The following XKR4 variants were observed in gnomAD, a reference collection of about 807,000 sequenced individuals.
XKR4 encodes the protein XK-related protein 4.
Under a neutral mutation model 53.9 loss-of-function variants are expected in XKR4, and 12 were observed. The ratio of observed to expected loss-of-function variants is 0.22; its 90% CI spans 0.14 to 0.36. XKR4 has a LOEUF of 0.36. Among genes scored for constraint, XKR4 ranks in the 10% least tolerant of loss-of-function variants. The pLI, the probability that XKR4 is intolerant of heterozygous loss-of-function variation, is 1.00. For synonymous variants in XKR4, 354 were observed against 362.4 expected (o/e 0.98, Z 0.26); for missense variants, 799 against 859.5 (o/e 0.93, Z 0.88).
intron 1 of XKR4, among the ~76,000 whole-genome samples, chr8:55,346,725 G>GTGTGTGTGTGT (rs1381010172): frequency 3.4e-5 from 5 of 148,784 alleles, no homozygotes; most frequent in African/African-American, 1.2e-4. Flanking sequence ...GTGTGTGTGT[G>GTGTGTGTGTGT]TTTAGAAAGC....
rs988056078 is a variant in XKR4, at chr8:55,449,829, AG to A, written c.1007-73450del. 135 of 1,164,086 alleles carry A rather than the reference AG, an allele frequency of 1.2e-4. 1 individual carries two copies. In the African/African-American group the frequency reaches 1.9e-3, roughly 16 times the overall value. 72.1% of individuals were successfully genotyped at this position (1,164,086 alleles called of 1,614,324 possible). On this transcript the variant is annotated intron_variant, in intron 2 of 2. Coordinates refer to ENST00000327381, the MANE Select transcript of XKR4 (RefSeq NM_052898.2). The stretch of plus-strand genomic sequence containing the variant: ...CCCTTCTTGTACAGAGTGCCCTCGT[AG>A]GACCTGTTCTCACTCTCAGCTGTCT...
At chr8:55,330,554 C>G (rs1418893322) in intron 1 of XKR4, among the ~76,000 whole-genome samples, 1 of 151,956 alleles carries the variant, frequency 6.6e-6, no homozygotes, top group East Asian at 1.9e-4. Context: ...ACCTTTAAAT[C>G]CTCTTAATGT....
At chr8:55,140,169 T>C in intron 1 of XKR4, 1 of 432,884 alleles carries the variant, frequency 2.3e-6, no homozygotes, top group Admixed American at 2.6e-5. Flanking sequence ...CTTGACTGAG[T>C]GTCTTTTCTT....
chr8:55,357,218 G>A (rs72645645), intron 1 of XKR4, among the ~76,000 whole-genome samples: 3,056 of 152,192 alleles, frequency 0.02, 32 homozygotes, highest in Non-Finnish European at 0.031. Flanking sequence ...GTATATGTTG[G>A]GAATTTGCAA....
intron 2 of XKR4, among the ~76,000 whole-genome samples, chr8:55,413,149 C>T (rs949051224): frequency 6.6e-6 from 1 of 152,206 alleles, no homozygotes; most frequent in Non-Finnish European, 1.5e-5. Flanking sequence ...ATTATTTCCT[C>T]CTTTTTGTGA....
rs374782503 is a variant in XKR4 at position 55,378,514 on chromosome 8, A to G, written c.1006+20637A>G. 8.1e-4 allele frequency among the ~76,000 whole-genome samples: 124 copies of G among 152,352 alleles called. 3 individuals are homozygous for G. The South Asian group carries it at 0.024, about 30-fold the overall frequency. On this transcript the variant is annotated intron_variant, in intron 2 of 2. Transcript: ENST00000327381. ...GTAGCTTGCTATGGAGAAAAACAAG[A>G]GTACGATTAACATGAAATTCAGGAA...
chr8:55,289,563 AGGAAGGAGAG>A, intron 1 of XKR4, among the ~76,000 whole-genome samples: 1 of 83,150 alleles, frequency 1.2e-5, no homozygotes, highest in Non-Finnish European at 2.8e-5. Flanking sequence ...GAAGGAAGGA[AGGAAGGAGAG>A]AGAAAGGAAG....
chr8:55,441,336 C>T (rs1486115579), intron 2 of XKR4, among the ~76,000 whole-genome samples: 1 of 151,844 alleles, frequency 6.6e-6, no homozygotes, highest in East Asian at 1.9e-4. Context: ...TATAACAGTT[C>T]TAAACTTACA....
rs142676473 is a variant in XKR4 at position 55,358,050 on chromosome 8, A to G, written c.1006+173A>G. ...TGTTTTCCTACCATTGCTTCTCATG[A>G]CTGATTAATTGAAAGACAGCGCATT... is the stretch of plus-strand genomic sequence containing the variant. On this transcript the variant is annotated intron_variant, in intron 2 of 2. Coordinates refer to ENST00000327381, the MANE Select transcript of XKR4 (RefSeq NM_052898.2). Among the ~76,000 whole-genome samples the G allele has an allele frequency of 1.5e-4, 23 of 152,228 alleles. 1 individual carries two copies. The East Asian group carries it at 4.2e-3, about 28-fold the overall frequency.
At chr8:55,250,974 C>T (rs773158664) in intron 1 of XKR4, among the ~76,000 whole-genome samples, 2 of 152,138 alleles carry the variant, frequency 1.3e-5, no homozygotes, top group Non-Finnish European at 2.9e-5. Flanking sequence ...ACAGAATACA[C>T]ACAATTTATA....
At chr8:55,146,623 G>A (rs1441685460) in intron 1 of XKR4, among the ~76,000 whole-genome samples, 2 of 152,194 alleles carry the variant, frequency 1.3e-5, no homozygotes, top group African/African-American at 4.8e-5. Flanking sequence ...AGTGGCTACT[G>A]TATTGGACAC....
At chr8:55,412,718 A>G (rs1302077829) in intron 2 of XKR4, among the ~76,000 whole-genome samples, 1 of 152,276 alleles carries the variant, frequency 6.6e-6, no homozygotes, top group Non-Finnish European at 1.5e-5. Context: ...CTCTGGCAGC[A>G]TCAAGTGTGT....
chr8:55,480,993 A>G (rs1037588230), intron 2 of XKR4, among the ~76,000 whole-genome samples: 3 of 152,202 alleles, frequency 2.0e-5, no homozygotes, highest in African/African-American at 7.2e-5. Flanking sequence ...TTATAGATTC[A>G]ATGCCATCCC....
At chr8:55,446,943 C>T (rs868310378) in intron 2 of XKR4, among the ~76,000 whole-genome samples, 3 of 152,128 alleles carry the variant, frequency 2.0e-5, no homozygotes, top group Admixed American at 6.5e-5. Context: ...AACCTCAATC[C>T]CTCTTTTTAG....
At chr8:55,295,219 G>A (rs1198837855) in intron 1 of XKR4, among the ~76,000 whole-genome samples, 2 of 152,180 alleles carry the variant, frequency 1.3e-5, no homozygotes, top group Non-Finnish European at 2.9e-5. Context: ...GGGAAGAGGA[G>A]ATGAAAATAA....
At chr8:55,349,566 G>T (rs1176214295) in intron 1 of XKR4, among the ~76,000 whole-genome samples, 1 of 152,066 alleles carries the variant, frequency 6.6e-6, no homozygotes, top group Non-Finnish European at 1.5e-5. Flanking sequence ...ACCACGGTCC[G>T]TGTTAAATAA....
At chr8:55,176,051 G>A (rs1463933511) in intron 1 of XKR4, among the ~76,000 whole-genome samples, 1 of 152,112 alleles carries the variant, frequency 6.6e-6, no homozygotes, top group Admixed American at 6.5e-5. Flanking sequence ...GTCTTCTAAA[G>A]CTTGAGATAA....
intron 1 of XKR4, among the ~76,000 whole-genome samples, chr8:55,259,779 C>T (rs1221993648): frequency 6.6e-6 from 1 of 152,208 alleles, no homozygotes; most frequent in Non-Finnish European, 1.5e-5. Flanking sequence ...TGAATCCTAA[C>T]AGACTTTATT....
intron 1 of XKR4, among the ~76,000 whole-genome samples, chr8:55,170,142 A>G (rs1192337085): frequency 6.6e-6 from 1 of 152,222 alleles, no homozygotes; most frequent in African/African-American, 2.4e-5. Flanking sequence ...TGGATTATGC[A>G]TGATGAGCTA....
Sources: allele counts gnomAD v4.1 joint callset (sites outside exome capture counted in the v4.1 genomes callset), GRCh38; gene constraint gnomAD v4.1.1; transcripts MANE v1.5; gene names NCBI Gene and HGNC (gene_info 2026-07-23, HGNC 2026-07-21).